The following KLC1 variants were observed in gnomAD, a reference collection of about 807,000 sequenced individuals.
The protein encoded by KLC1 is kinesin 2 60/70kDa.
Under a neutral mutation model 84.2 loss-of-function variants are expected in KLC1, and 30 were observed. The observed-to-expected ratio is 0.36, with a 90% CI of 0.27 to 0.48. KLC1 has a LOEUF of 0.48. Among genes scored for constraint, KLC1 ranks in the 20% least tolerant of loss-of-function variants. The pLI is 0.99. For missense variants in KLC1, 499 were observed against 805.4 expected (o/e 0.62, Z 4.60); for synonymous variants, 289 against 293.3 (o/e 0.99, Z 0.15).
intron 4 of KLC1, 46 bp from the exon 5 acceptor site, chr14:103,662,656 A>G (rs761756026): frequency 1.0e-5 from 14 of 1,402,226 alleles, no homozygotes; most frequent in Non-Finnish European, 1.1e-5. Context: ...ACTCATCTGG[A>G]TAATTGTCTT....
rs138240488 is a variant in KLC1 at position 103,632,116 on chromosome 14, C to T, written c.-2+2622C>T. On this transcript the variant is annotated intron_variant, in intron 1 of 16. Coordinates refer to ENST00000334553, the MANE Select transcript of KLC1 (RefSeq NM_001394837.1). ...CCTTGATAAAAGAGCCACTGTTGGCCGGGCGTGGTCATGCCTGTAATCTTA... is the reference window on the plus strand; with the variant it reads ...CCTTGATAAAAGAGCCACTGTTGGCTGGGCGTGGTCATGCCTGTAATCTTA... Among the ~76,000 whole-genome samples, 121 of 152,218 alleles carry T rather than the reference C, an allele frequency of 7.9e-4. 1 individual carries two copies. Among genetic ancestry groups the T allele is most frequent in the Admixed American group, 1.4e-3 (22 of 15,274 alleles).
chr14:103,694,125 G>A lies in KLC1; in HGVS notation c.1848+1700G>A, dbSNP rs2082279515. The A allele has an allele frequency of 3.0e-6, 3 of 985,256 alleles. No homozygotes were observed. The highest frequency in any genetic ancestry group is 3.6e-6 in the Non-Finnish European group (3 of 829,538). 61.0% of individuals were successfully genotyped at this position (985,256 alleles called of 1,614,324 possible). ...GTGGGAAGTGAATTCCTTCCCAGCTGGAGCATCTTCCGGGTCTCTCTTTCC... is the reference window on the plus strand; with the variant it reads ...GTGGGAAGTGAATTCCTTCCCAGCTAGAGCATCTTCCGGGTCTCTCTTTCC... On this transcript the variant is annotated intron_variant, in intron 15 of 16. Transcript: ENST00000334553. This position sits in a 1 kb window ranked among gnomAD's most constrained non-coding sequence, Gnocchi z 4.5.
intron 15 of KLC1, chr14:103,699,151 G>A (rs900479421): frequency 1.3e-6 from 2 of 1,571,390 alleles, no homozygotes; most frequent in African/African-American, 1.4e-5. Flanking sequence ...CCCGTGTGCT[G>A]CGCCCTGCTC....
intron 3 of KLC1, among the ~76,000 whole-genome samples, chr14:103,660,682 C>T (rs1419052438): frequency 6.6e-6 from 1 of 151,156 alleles, no homozygotes; most frequent in Non-Finnish European, 1.5e-5. Context: ...GTCCCAGCTA[C>T]TTGGGAGGCT....
intron 3 of KLC1, among the ~76,000 whole-genome samples, chr14:103,658,332 C>T (rs558712801): frequency 6.6e-6 from 1 of 152,034 alleles, no homozygotes; most frequent in Admixed American, 6.6e-5. Context: ...ACAATCTTGG[C>T]TTACTGCAAC....
intron 1 of KLC1, among the ~76,000 whole-genome samples, chr14:103,632,282 C>T (rs2076743916): frequency 6.7e-6 from 1 of 150,250 alleles, no homozygotes; most frequent in Non-Finnish European, 1.5e-5. Context: ...AAAAATTAGC[C>T]AGGTGTGGTG....
At chr14:103,673,969 C>A (rs918493243) in intron 9 of KLC1, among the ~76,000 whole-genome samples, 1 of 151,974 alleles carries the variant, frequency 6.6e-6, no homozygotes, top group Non-Finnish European at 1.5e-5. Context: ...TGTGAGGCCC[C>A]GTAGCTGAGA....
chr14:103,689,223 G>A (rs933451258), intron 14 of KLC1, among the ~76,000 whole-genome samples: 5 of 152,190 alleles, frequency 3.3e-5, no homozygotes, highest in African/African-American at 1.2e-4. Flanking sequence ...AGCCTTTTAA[G>A]TGCAGAGTCC....
intron 15 of KLC1, chr14:103,699,644 T>G: frequency 1.3e-6 from 2 of 1,532,464 alleles, no homozygotes; most frequent in Non-Finnish European, 1.8e-6. Flanking sequence ...AGACCCCGTT[T>G]GGACTGTCAC....
At position 103,657,569 on chromosome 14, in the gene KLC1, C is replaced by T; in HGVS notation, c.285C>T (p.His95=). 2 of 1,614,136 alleles carry T rather than the reference C, an allele frequency of 1.2e-6. No individual in the cohort carries two copies. The highest frequency in any genetic ancestry group is 1.1e-5 in the South Asian group (1 of 91,084). ...EAQVMMALSN[H]LNAVESEKQK... ...AGGTTATGATGGCTTTGTCAAATCA[C>T]CTGAATGCTGTGGAGTCCGAGAAGC... The change falls in exon 3 of 17, where the codon CAC becomes CAT. Residue 95 remains histidine (H), a synonymous_variant. Coordinates refer to ENST00000334553, the MANE Select transcript of KLC1 (RefSeq NM_001394837.1).
chr14:103,635,350 G>C (rs932568183), intron 1 of KLC1, among the ~76,000 whole-genome samples: 1 of 152,122 alleles, frequency 6.6e-6, no homozygotes, highest in Non-Finnish European at 1.5e-5. Context: ...TAAACCCTGC[G>C]GATGTCATAT....
intron 1 of KLC1, among the ~76,000 whole-genome samples, chr14:103,631,819 A>G (rs145720197): frequency 0.016 from 2,459 of 151,520 alleles, 63 homozygotes; most frequent in African/African-American, 0.056. Flanking sequence ...GGCTGGTCTC[A>G]AACTGCTGAC....
rs759423089 is a variant in KLC1, at chr14:103,673,091, T to C, written c.1065T>C (p.Tyr355=). ...LALLCQNQGK[Y]EEVEYYYQRA... Reference sequence around the variant, plus strand: ...TACTGTGCCAGAACCAGGGCAAGTATGAAGAAGTAGAATATTATTATCAAA... The same window carrying C: ...TACTGTGCCAGAACCAGGGCAAGTACGAAGAAGTAGAATATTATTATCAAA... The change falls in exon 8 of 17, where the codon TAT becomes TAC. Residue 355 remains tyrosine (Y), a synonymous_variant. Transcript: ENST00000334553. 6.2e-7 allele frequency: 1 copy of C among 1,613,934 alleles called. No individual in the cohort carries two copies. The highest frequency in any genetic ancestry group is 8.5e-7 in the Non-Finnish European group (1 of 1,179,974).
At chr14:103,666,967 A>G (rs1260500760) in intron 5 of KLC1, among the ~76,000 whole-genome samples, 3 of 149,396 alleles carry the variant, frequency 2.0e-5, no homozygotes, top group Non-Finnish European at 4.4e-5. Flanking sequence ...TAGTAGAGAC[A>G]GGGTCTTATC....
chr14:103,632,173 CCTAG>C (rs2076736896), intron 1 of KLC1, among the ~76,000 whole-genome samples: 1 of 151,966 alleles, frequency 6.6e-6, no homozygotes, highest in Non-Finnish European at 1.5e-5. Context: ...GCAGATCGCC[CCTAG>C]CTCTTTGGGA....
At chr14:103,637,542 G>T (rs1017641098) in intron 1 of KLC1, among the ~76,000 whole-genome samples, 1 of 151,126 alleles carries the variant, frequency 6.6e-6, no homozygotes, top group African/African-American at 2.4e-5. Flanking sequence ...AAAAAAAAAA[G>T]AAATTTTCGC....
rs764460958 is a variant in KLC1 at position 103,662,689 on chromosome 14, T to C, written c.572-13T>C. 6.5e-6 allele frequency: 10 copies of C among 1,539,950 alleles called. No individual in the cohort carries two copies. The South Asian group carries it at 1.2e-4, about 19-fold the overall frequency. On this transcript the variant is annotated splice_polypyrimidine_tract_variant and intron_variant, in intron 4 of 16. Coordinates refer to ENST00000334553, the MANE Select transcript of KLC1 (RefSeq NM_001394837.1). The stretch of plus-strand genomic sequence containing the variant: ...CTTTAAAAACCCATCTGAAGTGAAC[T>C]TTCTCGGTGCAGTCCAGCAGCAGCA...
intron 1 of KLC1, among the ~76,000 whole-genome samples, chr14:103,643,406 T>G (rs2077642776): frequency 6.6e-6 from 1 of 152,172 alleles, no homozygotes; most frequent in Non-Finnish European, 1.5e-5. Context: ...TCGAGGCTGA[T>G]GTATTAGGTG....
intron 1 of KLC1, among the ~76,000 whole-genome samples, chr14:103,636,641 C>T (rs1161160208): frequency 1.3e-5 from 2 of 152,120 alleles, no homozygotes; most frequent in African/African-American, 4.8e-5. Context: ...TCTTTGTATG[C>T]CTGGATTTGT....
Sources: gnomAD v4.1 joint callset for allele counts (sites outside exome capture counted in the v4.1 genomes callset) on GRCh38, gnomAD v4.1.1 for gene constraint, Gnocchi (gnomAD v3.1) non-coding constraint, MANE v1.5 for transcripts, NCBI Gene and HGNC (gene_info 2026-07-23, HGNC 2026-07-21) for gene names.